Variants in PHF3 observed in about 807,000 individuals in gnomAD.
The protein encoded by PHF3 is PHD finger protein 3.
Under a neutral mutation model 178.4 loss-of-function variants are expected in PHF3, and 41 were observed. That is an observed-to-expected ratio of 0.23 (90% CI 0.18 to 0.30). The LOEUF (loss-of-function observed/expected upper bound fraction) is 0.30, where lower values mean the gene tolerates loss of function less well. Ranked by LOEUF, PHF3 falls within the 10% of genes least tolerant of loss-of-function variation. PHF3 has a pLI of 1.00. For synonymous variants in PHF3, 842 were observed against 800.5 expected (o/e 1.05, Z -0.88); for missense variants, 2,346 against 2,398.1 (o/e 0.98, Z 0.45).
intron 8 of PHF3, 97 bp downstream of exon 8, chr6:63,698,702 A>C: frequency 1.2e-6 from 1 of 859,004 alleles, no homozygotes; most frequent in Non-Finnish European, 1.7e-6. Flanking sequence ...TATTAATTGG[A>C]GTGAGATTAT....
chr6:63,696,514 T>C (rs1264356438), intron 6 of PHF3, among the ~76,000 whole-genome samples: 2 of 152,142 alleles, frequency 1.3e-5, no homozygotes, highest in Non-Finnish European at 2.9e-5. Context: ...AGATGGTGTT[T>C]CGTTATGTTG....
At chr6:63,661,744 A>G (rs1272818937) in intron 2 of PHF3, among the ~76,000 whole-genome samples, 11 of 152,218 alleles carry the variant, frequency 7.2e-5, no homozygotes, top group Admixed American at 7.2e-4. Flanking sequence ...ATACTATCTG[A>G]GAACTGTTGA....
At position 63,646,733 on chromosome 6, in the gene PHF3, A is replaced by C; in HGVS notation, c.182A>C (p.Asn61Thr). Residue 61 changes from asparagine (N) to threonine (T), a missense_variant, in exon 2 of 16, where the codon AAC becomes ACC. Coordinates refer to ENST00000262043, the MANE Select transcript of PHF3 (RefSeq NM_001370348.2). ...DKDPMLGSAS[N>T]QFCLPVLDSN... ...GATCCTATGCTAGGATCTGCAAGTA[A>C]CCAGTTCTGTTTGCCTGTTTTGGAT... The C allele has an allele frequency of 6.2e-7, 1 of 1,611,490 alleles. No individual in the cohort carries two copies. Among genetic ancestry groups the C allele is most frequent in the Non-Finnish European group, 8.5e-7 (1 of 1,179,150 alleles).
chr6:63,718,314 G>A lies in PHF3; in HGVS notation c.*4606G>A, dbSNP rs1211171848. ...AATTGCAACTGTGAAAAGCTTTAAG[G>A]CAGCAATTCTCAAACTTTTGTTTTC... is the stretch of plus-strand genomic sequence containing the variant. On this transcript the variant is annotated 3_prime_UTR_variant, in exon 16 of 16. Transcript: ENST00000262043. Among the ~76,000 whole-genome samples, 1 of 151,824 alleles carries A rather than the reference G, an allele frequency of 6.6e-6. No individual in the cohort carries two copies. The highest frequency in any genetic ancestry group is 1.5e-5 in the Non-Finnish European group (1 of 67,908).
rs1345510039 is a variant in PHF3 at position 63,713,801 on chromosome 6, T to G, written c.*93T>G. On this transcript the variant is annotated 3_prime_UTR_variant, in exon 16 of 16. Coordinates refer to ENST00000262043, the MANE Select transcript of PHF3 (RefSeq NM_001370348.2). The stretch of plus-strand genomic sequence containing the variant: ...AAGATTGCCTGCTAGGATTGTGCCA[T>G]CTTTAAAATTTTTACTATTGGTCAT... The G allele has an allele frequency of 1.8e-6, 2 of 1,128,868 alleles. No homozygotes were observed. The highest frequency in any genetic ancestry group is 2.5e-6 in the Non-Finnish European group (2 of 812,172). 69.9% of individuals were successfully genotyped at this position (1,128,868 alleles called of 1,614,324 possible).
rs766659806 is a variant in PHF3 at position 63,684,821 on chromosome 6, G to A, written c.1099G>A (p.Val367Ile). The A allele has an allele frequency of 6.2e-7, 1 of 1,613,824 alleles. No homozygotes were observed. The highest frequency in any genetic ancestry group is 1.3e-5 in the African/African-American group (1 of 74,924). Reference protein sequence around the residue: ...ENSLVGLPSCVDEVTECNLEL... With the variant: ...ENSLVGLPSCIDEVTECNLEL... Reference sequence around the variant, plus strand: ...CAGCCTTGTAGGTTTGCCTAGTTGTGTAGATGAAGTGACTGAATGTAATTT... The same window carrying A: ...CAGCCTTGTAGGTTTGCCTAGTTGTATAGATGAAGTGACTGAATGTAATTT... The change falls in exon 4 of 16, where the codon GTA becomes ATA. Residue 367 changes from valine to isoleucine, a missense_variant. Physicochemically the swap from Val to Ile is conservative, Grantham distance 29. This residue lies in a region of PHF3 where 843 missense variants were observed against 795.2 expected (regional missense o/e 1.06). Transcript: ENST00000262043.
rs759848651 is a variant in PHF3 at position 63,713,091 on chromosome 6, T to TTGCCACCTCCATTAC, written c.5505_5519dup (p.Leu1839_Pro1843dup). 1.9e-6 allele frequency: 3 copies of TTGCCACCTCCATTAC among 1,613,978 alleles called. No individual in the cohort carries two copies. The highest frequency in any genetic ancestry group is 2.5e-6 in the Non-Finnish European group (3 of 1,179,978). On this transcript the variant is annotated inframe_insertion, in exon 16 of 16. Transcript: ENST00000262043. ...AAGCATGTTTGGATTTCCACCACAT[T>TTGCCACCTCCATTAC]TGCCACCTCCATTACTTCCCCCTCC...
intron 2 of PHF3, chr6:63,678,966 T>C (rs1766304683): frequency 3.3e-6 from 1 of 303,434 alleles, no homozygotes; most frequent in South Asian, 3.2e-5. Context: ...CTCTAAAGTT[T>C]ACAGAGTGAG....
intron 15 of PHF3, 100 bp downstream of exon 15, chr6:63,711,462 T>C: frequency 7.4e-7 from 1 of 1,344,182 alleles, no homozygotes; most frequent in African/African-American, 1.5e-5. Context: ...GATCCAGCCC[T>C]CTAGAGATGG....
chr6:63,679,833 G>A lies in PHF3; in HGVS notation c.245-167G>A, dbSNP rs557666709. ...GAAGTTTATAAAACTGACTTGATTTGGGAGTTTGGTAGTGGCAATTTCACA... is the reference window on the plus strand; with the variant it reads ...GAAGTTTATAAAACTGACTTGATTTAGGAGTTTGGTAGTGGCAATTTCACA... On this transcript the variant is annotated intron_variant, in intron 2 of 15. Coordinates refer to ENST00000262043, the MANE Select transcript of PHF3 (RefSeq NM_001370348.2). 61 of 668,698 alleles carry A rather than the reference G, an allele frequency of 9.1e-5. No individual in the cohort carries two copies. In the African/African-American group the frequency reaches 9.6e-4, roughly 10 times the overall value. The allele number at this position is 668,698 out of a possible 1,614,324, so 41.4% of individuals were successfully genotyped here.
chr6:63,658,606 T>G (rs1765334610), intron 2 of PHF3, among the ~76,000 whole-genome samples: 1 of 152,172 alleles, frequency 6.6e-6, no homozygotes, highest in Admixed American at 6.6e-5. Context: ...TGCTTTCAGA[T>G]TTTTTCATCT....
In PHF3 at chr6:63,684,774, C is replaced by G. The variant is rs756258382; in HGVS notation, c.1052C>G (p.Thr351Arg). Reference sequence around the variant, plus strand: ...GATATTTCTAGTGATGCTGCTTGTACAAATCCAAATAAGACAGAAAACAGC... The same window carrying G: ...GATATTTCTAGTGATGCTGCTTGTAGAAATCCAAATAAGACAGAAAACAGC... ...SSDISSDAAC[T>R]NPNKTENSLV... The change falls in exon 4 of 16, where the codon ACA (threonine) becomes AGA (arginine). Residue 351 changes from threonine (T) to arginine (R), a missense_variant. By Grantham distance (71) the Thr-to-Arg change is moderately conservative (BLOSUM62 -1). Coordinates refer to ENST00000262043, the MANE Select transcript of PHF3 (RefSeq NM_001370348.2). 14 of 1,613,968 alleles carry G rather than the reference C, an allele frequency of 8.7e-6. No individual in the cohort carries two copies. Among genetic ancestry groups the G allele is most frequent in the Admixed American group, 1.7e-5 (1 of 60,012 alleles).
In PHF3 at chr6:63,725,170, T is replaced by G. The variant is rs1348151465; in HGVS notation, c.*11462T>G. ...AGTGTCAAATGCAGCATCAATCGTG[T>G]GAAACTAATGAATCTCTGTAAGTAG... On this transcript the variant is annotated 3_prime_UTR_variant, in exon 16 of 16. Coordinates refer to ENST00000262043, the MANE Select transcript of PHF3 (RefSeq NM_001370348.2). Among the ~76,000 whole-genome samples the G allele has an allele frequency of 1.3e-5, 2 of 152,254 alleles. No individual in the cohort carries two copies. The highest frequency in any genetic ancestry group is 2.1e-4 in the South Asian group (1 of 4,830).
Position 63,714,034 on chromosome 6 carries a change from A to G in PHF3, c.*326A>G, listed in dbSNP as rs933923578. 6.8e-5 allele frequency: 13 copies of G among 190,710 alleles called. No individual in the cohort carries two copies. Among genetic ancestry groups the G allele is most frequent in the Admixed American group, 1.8e-4 (3 of 17,026 alleles). 11.8% of individuals were successfully genotyped at this position (190,710 alleles called of 1,614,324 possible). A position where few individuals can be genotyped will look rare whatever the true frequency, so the allele number is the denominator to read the frequency against. On this transcript the variant is annotated 3_prime_UTR_variant, in exon 16 of 16. Coordinates refer to ENST00000262043, the MANE Select transcript of PHF3 (RefSeq NM_001370348.2). Reference sequence around the variant, plus strand: ...CCTTAATTGGTAAATATGGTTAACTATGGAATATATTTACTTCCTCTAGTG... The same window carrying G: ...CCTTAATTGGTAAATATGGTTAACTGTGGAATATATTTACTTCCTCTAGTG...
rs768837125 is a variant in PHF3 at position 63,721,038 on chromosome 6, A to G, written c.*7330A>G. The G allele has an allele frequency of 4.5e-6, 7 of 1,551,222 alleles. No individual in the cohort carries two copies. Among genetic ancestry groups the G allele is most frequent in the Admixed American group, 2.0e-5 (1 of 50,958 alleles). On this transcript the variant is annotated 3_prime_UTR_variant, in exon 16 of 16. Transcript: ENST00000262043. ...ATTTTCTTCATTTTGAGCTATTCCC[A>G]TCCATACAATTAGACCTTCTGTTTT...
At chr6:63,675,109 G>C (rs1248075974) in intron 2 of PHF3, among the ~76,000 whole-genome samples, 1 of 152,104 alleles carries the variant, frequency 6.6e-6, no homozygotes, top group African/African-American at 2.4e-5. Context: ...GGCAATTTGG[G>C]GTTGGGATGG....
Position 63,698,479 on chromosome 6 carries a change from G to A in PHF3, c.2856G>A (p.Glu952=), listed in dbSNP as rs142859723. Residue 952 remains glutamate (E), a synonymous_variant, in exon 8 of 16, where the codon GAG becomes GAA. Coordinates refer to ENST00000262043, the MANE Select transcript of PHF3 (RefSeq NM_001370348.2). ...CAGACTCAAATTTGAAGGTACCAGA[G>A]GAAAAGGCAGCAAAAGTTGCCACAA... ...RLTDSNLKVP[E]EKAAKVATKI... The A allele has an allele frequency of 4.4e-5, 71 of 1,600,540 alleles. 1 individual carries two copies. The East Asian group carries it at 1.5e-3, about 34-fold the overall frequency.
At chr6:63,711,124 T>C in intron 14 of PHF3, 43 bp from the exon 15 acceptor site, 1 of 1,411,718 alleles carries the variant, frequency 7.1e-7, no homozygotes, top group African/African-American at 1.4e-5. Flanking sequence ...AGCTACTCTT[T>C]AGCTTATTAC....
Position 63,713,501 on chromosome 6 carries a change from G to A in PHF3, c.5913G>A (p.Arg1971=). ...AGGAAGGGCACAAAGATAAAGAGAG[G>A]GCACGGTTATCACATGGTGATCGAG... ...SREEGHKDKE[R]ARLSHGDRGT... Residue 1971 remains arginine, a synonymous_variant, in exon 16 of 16, where the codon AGG becomes AGA. Coordinates refer to ENST00000262043, the MANE Select transcript of PHF3 (RefSeq NM_001370348.2). 2.5e-6 allele frequency: 4 copies of A among 1,613,708 alleles called. No individual in the cohort carries two copies. Among genetic ancestry groups the A allele is most frequent in the Non-Finnish European group, 3.4e-6 (4 of 1,179,908 alleles).
Sources: allele counts gnomAD v4.1 joint callset (sites outside exome capture counted in the v4.1 genomes callset), GRCh38; gene constraint gnomAD v4.1.1; regional missense constraint gnomAD v4.1.1; transcripts MANE v1.5; gene names NCBI Gene and HGNC (gene_info 2026-07-23, HGNC 2026-07-21).